ARL15: variants seen among roughly 807,000 people sequenced by gnomAD.
ARL15 encodes the protein ADP-ribosylation factor-like protein 15.
Under a neutral mutation model 25.2 loss-of-function variants are expected in ARL15, and 19 were observed. That is an observed-to-expected ratio of 0.75 (90% CI 0.53 to 1.10). The LOEUF is 1.10. ARL15 is among the 50% of genes least tolerant of loss of function. The pLI, the probability that ARL15 is intolerant of heterozygous loss-of-function variation, is 0.00. For missense variants in ARL15, 220 were observed against 246.0 expected, an observed-to-expected ratio of 0.89 and a Z score of 0.71; for synonymous variants, 94 against 86.8, an observed-to-expected ratio of 1.08 and a Z score of -0.46.
In ARL15 at chr5:54,020,903, C is replaced by T. The variant is rs188961976; in HGVS notation, c.462+92299G>A. ...CCAGGAGGCAGAGGTTGCAGTGAGC[C>T]GAGATAGCACCATTGCACTCCAGCC... On this transcript the variant is annotated intron_variant, in intron 4 of 4. Coordinates refer to ENST00000504924, the MANE Select transcript of ARL15 (RefSeq NM_019087.3). 4.2e-4 allele frequency among the ~76,000 whole-genome samples: 64 copies of T among 150,692 alleles called. No individual in the cohort carries two copies. In the East Asian group the frequency reaches 0.012, roughly 28 times the overall value.
Position 54,205,588 on chromosome 5 carries a change from C to T in ARL15, c.49-33660G>A, listed in dbSNP as rs1318103302. Among the ~76,000 whole-genome samples the T allele has an allele frequency of 2.0e-5, 3 of 152,128 alleles. No homozygotes were observed. In the East Asian group the frequency reaches 5.8e-4, roughly 29 times the overall value. On this transcript the variant is annotated intron_variant, in intron 1 of 4. Transcript: ENST00000504924. ...AGTATAACCTTACAGAAGCTGAGGG[C>T]TTTGTTAGTTAAACTATTATGCTAG...
rs1407769839 is a variant in ARL15 at position 54,137,178 on chromosome 5, T to C, written c.253+17402A>G. Among the ~76,000 whole-genome samples the C allele has an allele frequency of 4.6e-5, 7 of 151,992 alleles. No homozygotes were observed. The East Asian group carries it at 1.4e-3, about 29-fold the overall frequency. On this transcript the variant is annotated intron_variant, in intron 3 of 4. Coordinates refer to ENST00000504924, the MANE Select transcript of ARL15 (RefSeq NM_019087.3). ...CAGGAACCAGCAAAGTGATATATTC[T>C]AGGTTAGCCATGTCAGGCATTTTCC... is the stretch of plus-strand genomic sequence containing the variant.
At chr5:54,272,074 G>A (rs1757800037) in intron 1 of ARL15, among the ~76,000 whole-genome samples, 1 of 138,626 alleles carries the variant, frequency 7.2e-6, no homozygotes, top group Non-Finnish European at 1.5e-5. Context: ...TTCCTGAATA[G>A]CTAGGCCTAT....
In ARL15 at chr5:54,128,830, C is replaced by T. The variant is rs1017539114; in HGVS notation, c.254-15420G>A. Among the ~76,000 whole-genome samples the T allele has an allele frequency of 4.0e-5, 6 of 151,842 alleles. No individual in the cohort carries two copies. The East Asian group carries it at 5.8e-4, about 15-fold the overall frequency. On this transcript the variant is annotated intron_variant, in intron 3 of 4. Transcript: ENST00000504924. ...AAGTGATTCTCCTGCCTCAGCCTCC[C>T]GAGTAGCTGGGACTACAGATGAGTG...
chr5:54,229,274 T>C (rs886479510), intron 1 of ARL15, among the ~76,000 whole-genome samples: 1 of 152,208 alleles, frequency 6.6e-6, no homozygotes, highest in Non-Finnish European at 1.5e-5. Flanking sequence ...AGTTTGTCTT[T>C]CTTTTTAATT....
intron 4 of ARL15, among the ~76,000 whole-genome samples, chr5:54,002,182 A>C (rs1748869766): frequency 6.6e-6 from 1 of 152,200 alleles, no homozygotes; most frequent in African/African-American, 2.4e-5. Context: ...GTCCTTGGCT[A>C]CTAAGAGGGG....
At chr5:53,992,837 G>GGTAACCTGGGGTCA (rs201522466) in intron 4 of ARL15, among the ~76,000 whole-genome samples, 1 of 151,984 alleles carries the variant, frequency 6.6e-6, no homozygotes, top group East Asian at 1.9e-4. Context: ...GAGGTGGGTC[G>GGTAACCTGGGGTCA]GGAGTTTGAG....
intron 1 of ARL15, among the ~76,000 whole-genome samples, chr5:54,196,780 T>G (rs1209212428): frequency 1.3e-5 from 2 of 152,160 alleles, no homozygotes; most frequent in Non-Finnish European, 2.9e-5. Context: ...TATATTGAAT[T>G]ATAAAGTATT....
At chr5:53,926,556 G>A (rs1247823179) in intron 4 of ARL15, among the ~76,000 whole-genome samples, 1 of 152,162 alleles carries the variant, frequency 6.6e-6, no homozygotes, top group South Asian at 2.1e-4. Flanking sequence ...GGGTCAGGGA[G>A]CCTGGGCAAT....
At chr5:54,108,000 CA>C (rs1162569455) in intron 4 of ARL15, among the ~76,000 whole-genome samples, 4 of 151,796 alleles carry the variant, frequency 2.6e-5, no homozygotes, top group Non-Finnish European at 5.9e-5. Flanking sequence ...ATCAGGTATA[CA>C]AAATTAATTT....
At chr5:54,190,385 G>A (rs1358679210) in intron 1 of ARL15, among the ~76,000 whole-genome samples, 2 of 147,868 alleles carry the variant, frequency 1.4e-5, no homozygotes, top group Non-Finnish European at 3.0e-5. Context: ...AGAATGAGAC[G>A]TTGTCTCAAA....
At chr5:53,974,281 T>G (rs1239022212) in intron 4 of ARL15, among the ~76,000 whole-genome samples, 1 of 152,218 alleles carries the variant, frequency 6.6e-6, no homozygotes, top group African/African-American at 2.4e-5. Flanking sequence ...TGTAAGTGCC[T>G]GGGAGTGTCA....
chr5:54,303,490 G>T (rs1758664875), intron 1 of ARL15, among the ~76,000 whole-genome samples: 1 of 152,030 alleles, frequency 6.6e-6, no homozygotes, highest in Non-Finnish European at 1.5e-5. Flanking sequence ...CAGCTTGGAT[G>T]ACAGAGTGAG....
At chr5:54,017,660 T>C (rs1289458356) in intron 4 of ARL15, among the ~76,000 whole-genome samples, 1 of 148,738 alleles carries the variant, frequency 6.7e-6, no homozygotes, top group East Asian at 2.0e-4. Flanking sequence ...CAACAAACCC[T>C]CCCAAAGGGA....
At chr5:54,125,498 T>A (rs1473238918) in intron 3 of ARL15, among the ~76,000 whole-genome samples, 3 of 152,148 alleles carry the variant, frequency 2.0e-5, no homozygotes, top group Non-Finnish European at 2.9e-5. Context: ...AAACAGGAAT[T>A]AGAAAGAGAT....
intron 4 of ARL15, among the ~76,000 whole-genome samples, chr5:54,059,200 G>C (rs1288145813): frequency 6.6e-6 from 1 of 152,118 alleles, no homozygotes; most frequent in Non-Finnish European, 1.5e-5. Context: ...AGAAACACAG[G>C]AATTAAGTCA....
intron 4 of ARL15, among the ~76,000 whole-genome samples, chr5:54,032,388 C>A (rs116448700): frequency 1.7e-3 from 266 of 152,196 alleles, no homozygotes; most frequent in African/African-American, 6.2e-3. Flanking sequence ...CATCTGCTAT[C>A]ATGCCTGGAC....
At chr5:53,896,770 A>G (rs1744887825) in intron 4 of ARL15, among the ~76,000 whole-genome samples, 1 of 152,286 alleles carries the variant, frequency 6.6e-6, no homozygotes, top group Non-Finnish European at 1.5e-5. Flanking sequence ...TTCTGGGATT[A>G]CAGGTTGTGA....
rs115835627 is a variant in ARL15 at position 54,278,979 on chromosome 5, G to A, written c.48+31453C>T. Among the ~76,000 whole-genome samples the A allele has an allele frequency of 6.8e-3, 1,039 of 152,112 alleles. 14 individuals carry two copies. Among genetic ancestry groups the A allele is most frequent in the African/African-American group, 0.023 (954 of 41,502 alleles). On this transcript the variant is annotated intron_variant, in intron 1 of 4. Coordinates refer to ENST00000504924, the MANE Select transcript of ARL15 (RefSeq NM_019087.3). Reference sequence around the variant, plus strand: ...TTTGGTCTTGCTCACTTCAGATATGGATTCCTAATATGTAAAATATAAGGC... The same window carrying A: ...TTTGGTCTTGCTCACTTCAGATATGAATTCCTAATATGTAAAATATAAGGC...
Sources: allele counts gnomAD v4.1 joint callset (sites outside exome capture counted in the v4.1 genomes callset), GRCh38; gene constraint gnomAD v4.1.1; transcripts MANE v1.5; gene names NCBI Gene and HGNC (gene_info 2026-07-23, HGNC 2026-07-21).